MAST4: variants seen among roughly 807,000 people sequenced by gnomAD.
MAST4 encodes the protein microtubule associated serine/threonine kinase family member 4, also known as microtubule-associated serine/threonine-protein kinase 4.
MAST4 carries 89 observed loss-of-function variants against 162.7 expected under a neutral mutation model. The ratio of observed to expected loss-of-function variants is 0.55; its 90% CI spans 0.46 to 0.65. The LOEUF is 0.65. MAST4 is among the 30% of genes least tolerant of loss of function. The pLI, the probability that MAST4 is intolerant of heterozygous loss-of-function variation, is 0.00. For missense variants in MAST4, 3,153 were observed against 3,374.0 expected, an observed-to-expected ratio of 0.93 and a Z score of 1.62; for synonymous variants, 1,479 against 1,361.1, an observed-to-expected ratio of 1.09 and a Z score of -1.91.
intron 4 of MAST4, among the ~76,000 whole-genome samples, chr5:66,983,502 C>T (rs1749109371): frequency 6.6e-6 from 1 of 152,166 alleles, no homozygotes; most frequent in Admixed American, 6.5e-5. Flanking sequence ...ATGACACTTG[C>T]TTTAAGGGAC....
chr5:67,061,276 A>G (rs1349260341), intron 5 of MAST4, among the ~76,000 whole-genome samples: 1 of 152,234 alleles, frequency 6.6e-6, no homozygotes, highest in Non-Finnish European at 1.5e-5. Context: ...TACAAGCCAA[A>G]CATAATATCT....
intron 4 of MAST4, among the ~76,000 whole-genome samples, chr5:66,963,191 G>A (rs1412341510): frequency 1.3e-5 from 2 of 152,120 alleles, no homozygotes; most frequent in Admixed American, 6.6e-5. Flanking sequence ...ATATGCATAG[G>A]AACACTTTTT....
chr5:66,844,241 A>G (rs1758647956), intron 3 of MAST4, among the ~76,000 whole-genome samples: 2 of 145,776 alleles, frequency 1.4e-5, no homozygotes, highest in Admixed American at 1.4e-4. Context: ...GCTATCCACA[A>G]TTCCCCTTAC....
chr5:67,034,097 A>G (rs563342102), intron 4 of MAST4, among the ~76,000 whole-genome samples: 6 of 152,270 alleles, frequency 3.9e-5, no homozygotes, highest in African/African-American at 1.2e-4. Flanking sequence ...TGTACAGTCT[A>G]TCCATTTAAA....
At chr5:67,027,957 T>C (rs1754861066) in intron 4 of MAST4, among the ~76,000 whole-genome samples, 2 of 152,196 alleles carry the variant, frequency 1.3e-5, no homozygotes, top group South Asian at 4.1e-4. Context: ...TTAGGGATTG[T>C]GCTGGAGAGG....
chr5:66,970,420 A>C (rs1449254904), intron 4 of MAST4, among the ~76,000 whole-genome samples: 1 of 152,198 alleles, frequency 6.6e-6, no homozygotes, highest in Non-Finnish European at 1.5e-5. Context: ...CATCTTCTAT[A>C]AACTTGCAGA....
At chr5:66,941,003 T>C (rs1409264934) in intron 4 of MAST4, among the ~76,000 whole-genome samples, 1 of 152,128 alleles carries the variant, frequency 6.6e-6, no homozygotes, top group Non-Finnish European at 1.5e-5. Context: ...AGAGCAGTAA[T>C]ATCTCGAGAG....
At chr5:66,985,218 G>C (rs1361648886) in intron 4 of MAST4, among the ~76,000 whole-genome samples, 7 of 152,172 alleles carry the variant, frequency 4.6e-5, no homozygotes, top group Admixed American at 3.9e-4. Context: ...GTGGTCTTCT[G>C]TGTGGAGTGA....
At chr5:66,604,389 C>G (rs1020657359) in intron 1 of MAST4, among the ~76,000 whole-genome samples, 4 of 152,222 alleles carry the variant, frequency 2.6e-5, no homozygotes, top group Non-Finnish European at 5.9e-5. Flanking sequence ...CTGAACCTTT[C>G]AGTCCAAATG....
At chr5:66,910,454 G>C (rs1763667077) in intron 4 of MAST4, among the ~76,000 whole-genome samples, 1 of 152,166 alleles carries the variant, frequency 6.6e-6, no homozygotes, top group African/African-American at 2.4e-5. Flanking sequence ...AGCAAGTTGG[G>C]CCCTGGTAGC....
chr5:66,767,380 C>T (rs529798433), intron 2 of MAST4, among the ~76,000 whole-genome samples: 5 of 151,918 alleles, frequency 3.3e-5, no homozygotes, highest in African/African-American at 9.7e-5. Flanking sequence ...TTGAAATGCC[C>T]GATAAGACAT....
chr5:66,866,976 G>A (rs1318449581), intron 3 of MAST4, among the ~76,000 whole-genome samples: 1 of 152,086 alleles, frequency 6.6e-6, no homozygotes, highest in Non-Finnish European at 1.5e-5. Flanking sequence ...GCCCAGGCTG[G>A]TCTCAAACTC....
At chr5:67,040,744 A>T (rs373472971) in intron 4 of MAST4, among the ~76,000 whole-genome samples, 1 of 152,238 alleles carries the variant, frequency 6.6e-6, no homozygotes, top group African/African-American at 2.4e-5. Context: ...ATTTCTATGT[A>T]TGACCAGAAT....
chr5:66,733,648 G>T (rs914778365), intron 1 of MAST4, among the ~76,000 whole-genome samples: 2 of 152,100 alleles, frequency 1.3e-5, no homozygotes, highest in African/African-American at 4.8e-5. Context: ...TAGTAGAGAT[G>T]GGGTTTCACT....
chr5:66,831,057 A>G (rs1757564564), intron 3 of MAST4, among the ~76,000 whole-genome samples: 1 of 152,182 alleles, frequency 6.6e-6, no homozygotes, highest in South Asian at 2.1e-4. Context: ...AAATAAGTAG[A>G]TGGGTAGAGT....
At chr5:67,095,534 C>T in intron 6 of MAST4, 63 bp from the exon 7 acceptor site, 2 of 1,270,780 alleles carry the variant, frequency 1.6e-6, no homozygotes, top group Middle Eastern at 1.9e-4. Flanking sequence ...TACTTAGTTT[C>T]CCTGGGGTTC....
At chr5:66,861,052 G>T (rs912695754) in intron 3 of MAST4, among the ~76,000 whole-genome samples, 3 of 152,110 alleles carry the variant, frequency 2.0e-5, no homozygotes, top group Non-Finnish European at 4.4e-5. Context: ...AAAGAGGTTT[G>T]CTCAGGATTT....
rs140352003 is a variant in MAST4, at chr5:67,049,273, A to G, written c.675-5131A>G. On this transcript the variant is annotated intron_variant, in intron 4 of 28. Transcript: ENST00000403625. The stretch of plus-strand genomic sequence containing the variant: ...CAGTTGCTTGTTCCAGTGTGGTAGG[A>G]TTTGTTGGATTATTTTTCTATTAAA... Among the ~76,000 whole-genome samples, 616 of 151,596 alleles carry G rather than the reference A, an allele frequency of 4.1e-3. 10 individuals carry two copies. The highest frequency in any genetic ancestry group is 0.013 in the African/African-American group (552 of 41,278).
chr5:66,880,879 C>T (rs896550772), intron 3 of MAST4, among the ~76,000 whole-genome samples: 6 of 152,180 alleles, frequency 3.9e-5, no homozygotes, highest in African/African-American at 1.4e-4. Flanking sequence ...TGGCCAGGCA[C>T]TGTGCTAAGT....
Sources: gnomAD v4.1 joint callset for allele counts (sites outside exome capture counted in the v4.1 genomes callset) on GRCh38, gnomAD v4.1.1 for gene constraint, MANE v1.5 for transcripts, NCBI Gene and HGNC (gene_info 2026-07-23, HGNC 2026-07-21) for gene names.